R3HCC1L: variants seen among roughly 807,000 people sequenced by gnomAD.
R3HCC1L encodes the protein coiled-coil domain-containing protein R3HCC1L.
Under a neutral mutation model 59.9 loss-of-function variants are expected in R3HCC1L, and 51 were observed. That is an observed-to-expected ratio of 0.85 (90% CI 0.68 to 1.07). The LOEUF (loss-of-function observed/expected upper bound fraction) is 1.07. Ranked by LOEUF, R3HCC1L falls within the 50% of genes least tolerant of loss-of-function variation. The probability of loss-of-function intolerance (pLI) is 0.00; values close to 1 mark genes in which losing one functional copy is unlikely to be tolerated. For synonymous variants in R3HCC1L, 322 were observed against 315.2 expected, an observed-to-expected ratio of 1.02 and a Z score of -0.23; for missense variants, 965 against 933.0, an observed-to-expected ratio of 1.03 and a Z score of -0.45.
At chr10:98,191,582 A>T (rs760502357) in intron 4 of R3HCC1L, among the ~76,000 whole-genome samples, 133 of 151,958 alleles carry the variant, frequency 8.8e-4, no homozygotes, top group South Asian at 3.1e-3. Context: ...GATTGCAAAA[A>T]TTTTCTCCCA....
chr10:98,162,541 TA>T (rs1252294681), intron 2 of R3HCC1L, among the ~76,000 whole-genome samples: 2 of 152,354 alleles, frequency 1.3e-5, no homozygotes, highest in East Asian at 1.9e-4. Context: ...TGATGAGTTT[TA>T]TTTTTTATCC....
intron 5 of R3HCC1L, among the ~76,000 whole-genome samples, chr10:98,213,199 CAT>C (rs994600201): frequency 1.3e-5 from 2 of 152,278 alleles, no homozygotes; most frequent in Admixed American, 1.3e-4. Flanking sequence ...CTCGAGGCCT[CAT>C]AAATAGTTGG....
At chr10:98,153,310 C>A (rs1287841051) in intron 1 of R3HCC1L, among the ~76,000 whole-genome samples, 2 of 152,108 alleles carry the variant, frequency 1.3e-5, no homozygotes, top group South Asian at 4.1e-4. Flanking sequence ...TATGACCTTA[C>A]CCCCAACCCT....
intron 4 of R3HCC1L, among the ~76,000 whole-genome samples, chr10:98,201,484 G>GATTTGAAATGAATATACTGTC (rs1212231975): frequency 1.3e-5 from 2 of 152,144 alleles, no homozygotes; most frequent in Admixed American, 1.3e-4. Flanking sequence ...TCAGAAAATA[G>GATTTGAAATGAATATACTGTC]ATTTGAAATG....
chr10:98,147,853 G>C lies in R3HCC1L; in HGVS notation c.-267-8240G>C, dbSNP rs369292316. Reference sequence around the variant, plus strand: ...GAAGTCAGATAGTGTGATACCTCCAGTTTTCTTCTTTTTGCTCAGGATTGC... The same window carrying C: ...GAAGTCAGATAGTGTGATACCTCCACTTTTCTTCTTTTTGCTCAGGATTGC... On this transcript the variant is annotated intron_variant, in intron 1 of 9. Coordinates refer to ENST00000298999, the MANE Select transcript of R3HCC1L (RefSeq NM_001351015.2). Among the ~76,000 whole-genome samples the C allele has an allele frequency of 3.3e-5, 5 of 152,200 alleles. No homozygotes were observed. The South Asian group carries it at 1.0e-3, about 32-fold the overall frequency.
chr10:98,184,741 C>T (rs1850046702), intron 4 of R3HCC1L, among the ~76,000 whole-genome samples: 2 of 152,132 alleles, frequency 1.3e-5, no homozygotes, highest in Non-Finnish European at 1.5e-5. Context: ...TCCATTTTCT[C>T]TGGGTCTCAA....
intron 5 of R3HCC1L, among the ~76,000 whole-genome samples, chr10:98,217,253 T>C (rs1854312791): frequency 6.6e-6 from 1 of 152,214 alleles, no homozygotes; most frequent in African/African-American, 2.4e-5. Flanking sequence ...ATCCAATTTT[T>C]TCAGCACCAT....
chr10:98,209,259 G>C lies in R3HCC1L; in HGVS notation c.1145G>C (p.Gly382Ala), dbSNP rs1564699703. Residue 382 changes from glycine to alanine, a missense_variant, in exon 5 of 10, where the codon GGT becomes GCT. Transcript: ENST00000298999. Reference sequence around the variant, plus strand: ...AAAGCATGTATGATGGACACTACAGGTATGTCCTGTAGTGATCATGTAACT... The same window carrying C: ...AAAGCATGTATGATGGACACTACAGCTATGTCCTGTAGTGATCATGTAACT... ...TNKACMMDTT[G>A]MSCSDHVTVD... is the part of the protein sequence containing the mutation. The C allele has an allele frequency of 6.2e-7, 1 of 1,613,936 alleles. No homozygotes were observed. Among genetic ancestry groups the C allele is most frequent in the South Asian group, 1.1e-5 (1 of 91,068 alleles).
At chr10:98,173,534 A>G (rs1848715096) in intron 4 of R3HCC1L, among the ~76,000 whole-genome samples, 1 of 152,144 alleles carries the variant, frequency 6.6e-6, no homozygotes, top group African/African-American at 2.4e-5. Flanking sequence ...TGACATTCAT[A>G]ATCTCAGTAG....
Position 98,224,754 on chromosome 10 carries a change from C to T in R3HCC1L, c.1786-6758C>T, listed in dbSNP as rs566255570. 9.2e-5 allele frequency among the ~76,000 whole-genome samples: 14 copies of T among 152,330 alleles called. No homozygotes were observed. In the South Asian group the frequency reaches 2.9e-3, roughly 32 times the overall value. On this transcript the variant is annotated intron_variant, in intron 5 of 9. Coordinates refer to ENST00000298999, the MANE Select transcript of R3HCC1L (RefSeq NM_001351015.2). ...TAGATAGATCAGAATGAATGAAATT[C>T]TAAACGTCTACCATCTGTTTTTGCT...
chr10:98,134,982 A>G lies in R3HCC1L; in HGVS notation c.-268+276A>G, dbSNP rs903600100. Among the ~76,000 whole-genome samples, 365 of 152,270 alleles carry G rather than the reference A, an allele frequency of 2.4e-3. 3 individuals are homozygous for G. The highest frequency in any genetic ancestry group is 7.6e-3 in the African/African-American group (317 of 41,568). The stretch of plus-strand genomic sequence containing the variant: ...TGCTCGCTTTGGGCGCTCGCCCCAA[A>G]TGATCCTGGCGGAAAGGACGTGCTT... On this transcript the variant is annotated intron_variant, in intron 1 of 9. Coordinates refer to ENST00000298999, the MANE Select transcript of R3HCC1L (RefSeq NM_001351015.2).
At chr10:98,170,350 C>T (rs1457525826) in intron 4 of R3HCC1L, among the ~76,000 whole-genome samples, 4 of 152,114 alleles carry the variant, frequency 2.6e-5, no homozygotes, top group African/African-American at 7.2e-5. Flanking sequence ...GGGTCTTGCT[C>T]TGTCACCCAG....
chr10:98,177,758 G>T (rs1173048607), intron 4 of R3HCC1L, among the ~76,000 whole-genome samples: 1 of 152,108 alleles, frequency 6.6e-6, no homozygotes, highest in African/African-American at 2.4e-5. Flanking sequence ...TTGTGGTTTT[G>T]ATTTGCATTT....
At chr10:98,145,618 G>A (rs1845574538) in intron 1 of R3HCC1L, among the ~76,000 whole-genome samples, 1 of 152,172 alleles carries the variant, frequency 6.6e-6, no homozygotes, top group Non-Finnish European at 1.5e-5. Context: ...TTTGGAATTT[G>A]TCTTTTGAAA....
In R3HCC1L at chr10:98,218,039, T is replaced by A. The variant is rs576697263; in HGVS notation, c.1785+8140T>A. ...CTGTTGCTCTGTCTAGGACTTCAAG[T>A]ACTACGATGAATAAGAGTGGTGAAT... On this transcript the variant is annotated intron_variant, in intron 5 of 9. Transcript: ENST00000298999. Among the ~76,000 whole-genome samples the A allele has an allele frequency of 7.3e-4, 111 of 152,318 alleles. No individual in the cohort carries two copies. The Middle Eastern group carries it at 0.01, about 14-fold the overall frequency.
In R3HCC1L at chr10:98,231,551, C is replaced by T; in HGVS notation, c.1825C>T (p.Pro609Ser). 1 of 1,613,354 alleles carries T rather than the reference C, an allele frequency of 6.2e-7. No individual in the cohort carries two copies. Among genetic ancestry groups the T allele is most frequent in the Non-Finnish European group, 8.5e-7 (1 of 1,179,666 alleles). Reference sequence around the variant, plus strand: ...CAAGAGCAGAGAGAGCATCCAGGAACCTAGATCTGATTACTACAATCATGA... The same window carrying T: ...CAAGAGCAGAGAGAGCATCCAGGAATCTAGATCTGATTACTACAATCATGA... Reference protein sequence around the residue: ...NTKSRESIQEPRSDYYNHEVP... With the variant: ...NTKSRESIQESRSDYYNHEVP... Residue 609 changes from proline to serine, a missense_variant, in exon 6 of 10, where the codon CCT becomes TCT. Transcript: ENST00000298999.
At chr10:98,234,628 T>C in intron 7 of R3HCC1L, 112 bp downstream of exon 7, 9 of 1,100,462 alleles carry the variant, frequency 8.2e-6, no homozygotes, top group Non-Finnish European at 1.3e-6. Context: ...CCAGTGTAGG[T>C]AATAGGGCAG....
At chr10:98,181,487 T>G (rs1400386714) in intron 4 of R3HCC1L, among the ~76,000 whole-genome samples, 6 of 152,276 alleles carry the variant, frequency 3.9e-5, no homozygotes, top group African/African-American at 1.4e-4. Flanking sequence ...ATCTGACAAT[T>G]ATGTGTCTTG....
intron 4 of R3HCC1L, among the ~76,000 whole-genome samples, chr10:98,198,550 A>G (rs1851706830): frequency 2.9e-5 from 1 of 34,196 alleles, no homozygotes; most frequent in Non-Finnish European, 8.2e-5. Flanking sequence ...CGTTTTCAGG[A>G]AAAAAAAAAA....
Sources: gnomAD v4.1 joint callset for allele counts (sites outside exome capture counted in the v4.1 genomes callset) on GRCh38, gnomAD v4.1.1 for gene constraint, MANE v1.5 for transcripts, NCBI Gene and HGNC (gene_info 2026-07-23, HGNC 2026-07-21) for gene names.